Variants in GLYR1 observed in about 807,000 individuals in gnomAD.
GLYR1 encodes the protein glyoxylate reductase 1 homolog.
In GLYR1, 21 loss-of-function variants were observed where a neutral mutation model predicts 72.7. The observed-to-expected ratio is 0.29, with a 90% CI of 0.20 to 0.42. The LOEUF is 0.42. GLYR1 is among the 10% of genes least tolerant of loss of function. GLYR1 has a pLI of 1.00. For missense variants in GLYR1, 594 were observed against 712.1 expected (o/e 0.83, Z 1.89); for synonymous variants, 392 against 270.2 (o/e 1.45, Z -4.42).
intron 15 of GLYR1, among the ~76,000 whole-genome samples, chr16:4,805,703 C>A (rs1043068488): frequency 2.0e-4 from 30 of 152,050 alleles, no homozygotes; most frequent in African/African-American, 7.2e-4. Context: ...TAGGGCCAGG[C>A]GCAGTGGCTC....
At chr16:4,817,354 C>A (rs999624612) in intron 10 of GLYR1, among the ~76,000 whole-genome samples, 1 of 151,924 alleles carries the variant, frequency 6.6e-6, no homozygotes, top group Non-Finnish European at 1.5e-5. Context: ...CTCCTGACCT[C>A]ATGATCCGCC....
At chr16:4,832,316 C>T in intron 4 of GLYR1, 95 bp from the exon 5 acceptor site, 2 of 1,432,318 alleles carry the variant, frequency 1.4e-6, no homozygotes, top group African/African-American at 1.4e-5. Context: ...TACAGGCACT[C>T]TGTGTGGTCT....
At chr16:4,831,950 A>C (rs1255014346) in intron 5 of GLYR1, 29 bp downstream of exon 5, 2 of 1,605,716 alleles carry the variant, frequency 1.2e-6, no homozygotes, top group Admixed American at 3.4e-5. Flanking sequence ...GACATCACTA[A>C]TCCCGGAAGC....
intron 7 of GLYR1, among the ~76,000 whole-genome samples, chr16:4,821,944 G>A (rs532174781): frequency 2.9e-4 from 44 of 152,196 alleles, no homozygotes; most frequent in Non-Finnish European, 6.0e-4. Context: ...CTCTGCATCC[G>A]CAGGACTTGG....
intron 15 of GLYR1, among the ~76,000 whole-genome samples, 187 bp downstream of exon 15, chr16:4,810,983 T>C (rs2083293958): frequency 1.3e-5 from 2 of 151,432 alleles, no homozygotes. Context: ...TGGGCACCTA[T>C]AATCCCAACT....
At chr16:4,824,025 G>A (rs758323352) in intron 5 of GLYR1, 118 bp from the exon 6 acceptor site, 15 of 693,264 alleles carry the variant, frequency 2.2e-5, no homozygotes, top group Non-Finnish European at 3.2e-5. Context: ...TCTGATGACC[G>A]TCCCTCGGGA....
Position 4,804,141 on chromosome 16 carries a change from G to C in GLYR1, c.*1095C>G, listed in dbSNP as rs1273274071. On this transcript the variant is annotated 3_prime_UTR_variant, in exon 16 of 16. Coordinates refer to ENST00000321919, the MANE Select transcript of GLYR1 (RefSeq NM_032569.4). ...CCTAAGAAATGCTCATCGTTGGTCA[G>C]GCTGGGTCTGGGCCAAAGGGACAGA... is the stretch of plus-strand genomic sequence containing the variant. 1 of 152,318 alleles carries C rather than the reference G, an allele frequency of 6.6e-6. No homozygotes were observed. The highest frequency in any genetic ancestry group is 2.4e-5 in the African/African-American group (1 of 41,440). 9.4% of individuals were successfully genotyped at this position (152,318 alleles called of 1,614,324 possible). A position where few individuals can be genotyped will look rare whatever the true frequency, so the allele number is the denominator to read the frequency against.
intron 6 of GLYR1, among the ~76,000 whole-genome samples, 192 bp downstream of exon 6, chr16:4,823,629 C>A (rs1443885693): frequency 6.6e-6 from 1 of 152,046 alleles, no homozygotes; most frequent in Non-Finnish European, 1.5e-5. Context: ...GACTGAAATC[C>A]GTCACCTCGA....
In GLYR1 at chr16:4,804,889, G is replaced by T. The variant is rs1214075592; in HGVS notation, c.*347C>A. The stretch of plus-strand genomic sequence containing the variant: ...ATAAGACAAGCTCGGAAGAAAAAAA[G>T]CCAGGCAGCAGTTTCTGGGCAGCTT... On this transcript the variant is annotated 3_prime_UTR_variant, in exon 16 of 16. Coordinates refer to ENST00000321919, the MANE Select transcript of GLYR1 (RefSeq NM_032569.4). 3.3e-6 allele frequency: 1 copy of T among 302,346 alleles called. No individual in the cohort carries two copies. The highest frequency in any genetic ancestry group is 5.4e-5 in the East Asian group (1 of 18,458). 18.7% of individuals were successfully genotyped at this position (302,346 alleles called of 1,614,324 possible).
intron 9 of GLYR1, among the ~76,000 whole-genome samples, chr16:4,820,898 C>T (rs994812702): frequency 6.6e-6 from 1 of 152,250 alleles, no homozygotes; most frequent in Non-Finnish European, 1.5e-5. Context: ...CAGTGAGGAT[C>T]CCCAAGCACT....
chr16:4,834,574 T>C (rs2085014751), intron 3 of GLYR1, among the ~76,000 whole-genome samples: 1 of 151,806 alleles, frequency 6.6e-6, no homozygotes, highest in Non-Finnish European at 1.5e-5. Flanking sequence ...GTTCAAGCAA[T>C]TCTGCCTCTA....
chr16:4,816,736 A>G (rs939269788), intron 10 of GLYR1, among the ~76,000 whole-genome samples: 19 of 152,130 alleles, frequency 1.2e-4, no homozygotes, highest in Admixed American at 9.2e-4. Flanking sequence ...CCGTAATCCC[A>G]GTATTTTGGG....
chr16:4,811,636 G>C lies in GLYR1; in HGVS notation c.1449C>G (p.Asp483Glu), dbSNP rs761563328. 5 of 1,613,844 alleles carry C rather than the reference G, an allele frequency of 3.1e-6. No homozygotes were observed. Among genetic ancestry groups the C allele is most frequent in the Non-Finnish European group, 4.2e-6 (5 of 1,180,054 alleles). The change falls in exon 14 of 16, where the codon GAC becomes GAG. Residue 483 changes from aspartate (D) to glutamate (E), a missense_variant. Physicochemically the swap from Asp to Glu is conservative, Grantham distance 45. This residue lies in a region of GLYR1 where 266 missense variants were observed against 358.4 expected (regional missense o/e 0.74). Transcript: ENST00000321919. The stretch of plus-strand genomic sequence containing the variant: ...AAAACAACTCACTTTGGCACTTCTG[G>C]TCCAGGAAGATGCTGGCCAACTGTC... ...NQGQLASIFLDQKCQNILQGN... is the reference protein window; with the variant it reads ...NQGQLASIFLEQKCQNILQGN...
intron 1 of GLYR1, among the ~76,000 whole-genome samples, 153 bp from the exon 2 acceptor site, chr16:4,846,363 G>A (rs1468214443): frequency 1.3e-5 from 2 of 152,142 alleles, no homozygotes; most frequent in Non-Finnish European, 2.9e-5. Context: ...ACCCTCAGAA[G>A]TAAAATGCAA....
At chr16:4,846,030 C>A (rs558946567) in intron 2 of GLYR1, 144 bp downstream of exon 2, 4 of 806,316 alleles carry the variant, frequency 5.0e-6, no homozygotes, top group Non-Finnish European at 8.7e-6. Flanking sequence ...AAAAAATAAC[C>A]GATACTAGGG....
chr16:4,805,912 C>T (rs1013481934), intron 15 of GLYR1, among the ~76,000 whole-genome samples: 6 of 151,966 alleles, frequency 3.9e-5, no homozygotes, highest in Admixed American at 6.6e-5. Flanking sequence ...ACCTGGGAGG[C>T]GGAGGTTGCA....
intron 14 of GLYR1, 36 bp from the exon 15 acceptor site, chr16:4,811,330 G>C: frequency 1.2e-6 from 2 of 1,611,268 alleles, no homozygotes; most frequent in Non-Finnish European, 1.7e-6. Context: ...CAAAAGCCAA[G>C]GACCTGAAAC....
At chr16:4,835,599 G>A (rs926568916) in intron 3 of GLYR1, among the ~76,000 whole-genome samples, 40 of 152,200 alleles carry the variant, frequency 2.6e-4, no homozygotes, top group African/African-American at 9.4e-4. Context: ...GGGAGGCCGA[G>A]GCAGGCAGAT....
intron 15 of GLYR1, among the ~76,000 whole-genome samples, chr16:4,805,832 T>C (rs987872169): frequency 6.6e-6 from 1 of 151,550 alleles, no homozygotes; most frequent in Non-Finnish European, 1.5e-5. Flanking sequence ...ATACAAAAAA[T>C]TAGCCGGGCA....
Sources: allele counts gnomAD v4.1 joint callset (sites outside exome capture counted in the v4.1 genomes callset), GRCh38; gene constraint gnomAD v4.1.1; regional missense constraint gnomAD v4.1.1; transcripts MANE v1.5; gene names NCBI Gene and HGNC (gene_info 2026-07-23, HGNC 2026-07-21).